Variants in SNX7 observed in about 807,000 individuals in gnomAD.
SNX7 encodes sorting nexin 7.
Under a neutral mutation model 48.4 loss-of-function variants are expected in SNX7, and 35 were observed. The observed-to-expected ratio is 0.72, with a 90% CI of 0.55 to 0.96. The LOEUF (loss-of-function observed/expected upper bound fraction) is 0.96, where lower values mean the gene tolerates loss of function less well. SNX7 is among the 40% of genes least tolerant of loss of function. The pLI, the probability that SNX7 is intolerant of heterozygous loss-of-function variation, is 0.00. For synonymous variants in SNX7, 190 were observed against 190.2 expected (o/e 1.00, Z 0.01); for missense variants, 553 against 548.9 (o/e 1.01, Z -0.07).
chr1:98,742,391 G>GT (rs1218164202), intron 8 of SNX7, among the ~76,000 whole-genome samples: 4 of 152,026 alleles, frequency 2.6e-5, no homozygotes, highest in Non-Finnish European at 5.9e-5. Context: ...TCACATGACC[G>GT]TATCTGTTAC....
At chr1:98,744,399 G>A (rs76334687) in intron 8 of SNX7, among the ~76,000 whole-genome samples, 3,131 of 151,946 alleles carry the variant, frequency 0.021, 114 homozygotes, top group African/African-American at 0.072. Flanking sequence ...ATACAGTCAA[G>A]AAGGAATACA....
chr1:98,666,107 A>G (rs1163408344), intron 1 of SNX7, among the ~76,000 whole-genome samples: 1 of 152,180 alleles, frequency 6.6e-6, no homozygotes, highest in East Asian at 1.9e-4. Context: ...TGCACAGTCT[A>G]TTTGGTTTCT....
chr1:98,662,749 G>C, intron 1 of SNX7: 11 of 1,289,370 alleles, frequency 8.5e-6, no homozygotes, highest in Non-Finnish European at 1.1e-5. Context: ...GAAGACCTGA[G>C]TTCAGATCAC....
At chr1:98,702,792 C>T (rs1570541878) in intron 7 of SNX7, among the ~76,000 whole-genome samples, 2 of 152,124 alleles carry the variant, frequency 1.3e-5, no homozygotes, top group East Asian at 1.9e-4. Flanking sequence ...TTTAACCTAA[C>T]GAACTTCTAC....
At chr1:98,694,846 G>A (rs1252732041) in intron 4 of SNX7, among the ~76,000 whole-genome samples, 1 of 151,744 alleles carries the variant, frequency 6.6e-6, no homozygotes, top group African/African-American at 2.4e-5. Context: ...CTGACCTCAT[G>A]TATGCCCTCC....
intron 1 of SNX7, among the ~76,000 whole-genome samples, chr1:98,680,086 T>G (rs964211618): frequency 6.6e-6 from 1 of 152,228 alleles, no homozygotes; most frequent in Non-Finnish European, 1.5e-5. Flanking sequence ...TACAGGCATT[T>G]CCATACATCC....
At chr1:98,682,680 T>C (rs1408471838) in intron 1 of SNX7, among the ~76,000 whole-genome samples, 1 of 152,346 alleles carries the variant, frequency 6.6e-6, no homozygotes, top group African/African-American at 2.4e-5. Context: ...ATTTTACTTA[T>C]ATTGTTTCTT....
At chr1:98,686,833 G>T (rs1650827596) in intron 2 of SNX7, among the ~76,000 whole-genome samples, 1 of 152,060 alleles carries the variant, frequency 6.6e-6, no homozygotes, top group African/African-American at 2.4e-5. Context: ...TATTACTACT[G>T]TTATAATTAT....
At chr1:98,749,920 C>G (rs1413172827) in intron 8 of SNX7, among the ~76,000 whole-genome samples, 1 of 151,958 alleles carries the variant, frequency 6.6e-6, no homozygotes, top group Non-Finnish European at 1.5e-5. Context: ...TGTTAAAATA[C>G]TTAGAAGAAA....
intron 2 of SNX7, among the ~76,000 whole-genome samples, chr1:98,686,395 A>G (rs977516491): frequency 6.6e-6 from 1 of 152,136 alleles, no homozygotes; most frequent in Admixed American, 6.6e-5. Context: ...TAATCAATGC[A>G]CACCCCACTT....
intron 8 of SNX7, 109 bp downstream of exon 8, chr1:98,738,498 G>C (rs111336454): frequency 5.7e-6 from 6 of 1,057,364 alleles, no homozygotes; most frequent in African/African-American, 1.6e-5. Context: ...ACATTCTAAT[G>C]CCTCTCTGGT....
At chr1:98,681,129 A>G (rs540969553) in intron 1 of SNX7, among the ~76,000 whole-genome samples, 84 of 152,318 alleles carry the variant, frequency 5.5e-4, no homozygotes, top group African/African-American at 2.0e-3. Flanking sequence ...AGTAAGTCAC[A>G]TCTTACATGG....
At chr1:98,728,593 G>A (rs529577395) in intron 7 of SNX7, among the ~76,000 whole-genome samples, 56 of 152,256 alleles carry the variant, frequency 3.7e-4, no homozygotes, top group African/African-American at 1.3e-3. Flanking sequence ...TAAAATAAAG[G>A]TATGGAGGAA....
intron 8 of SNX7, among the ~76,000 whole-genome samples, chr1:98,744,338 A>G (rs999956344): frequency 6.6e-6 from 1 of 152,046 alleles, no homozygotes; most frequent in Non-Finnish European, 1.5e-5. Context: ...AGAATCTGAC[A>G]CAATTGTACC....
At chr1:98,680,839 T>C (rs1047241909) in intron 1 of SNX7, among the ~76,000 whole-genome samples, 1 of 152,198 alleles carries the variant, frequency 6.6e-6, no homozygotes. Context: ...TGAACAAGTC[T>C]CTAGGAAGTT....
chr1:98,758,781 T>G (rs146099929), intron 8 of SNX7, among the ~76,000 whole-genome samples: 3 of 152,188 alleles, frequency 2.0e-5, no homozygotes, highest in African/African-American at 7.2e-5. Flanking sequence ...CTCATGTAAT[T>G]ATACGAATCT....
intron 1 of SNX7, among the ~76,000 whole-genome samples, chr1:98,684,047 C>T (rs1321506187): frequency 1.3e-5 from 2 of 152,128 alleles, no homozygotes; most frequent in Non-Finnish European, 2.9e-5. Flanking sequence ...GGTTTCTGCT[C>T]TGCCACAACC....
At chr1:98,700,594 G>A (rs1027048441) in intron 6 of SNX7, among the ~76,000 whole-genome samples, 1 of 151,648 alleles carries the variant, frequency 6.6e-6, no homozygotes, top group Non-Finnish European at 1.5e-5. Flanking sequence ...GCACAGGCTG[G>A]AGTGTAGAGG....
In SNX7 at chr1:98,700,083, TGAA is replaced by T. The variant is rs1651672350; in HGVS notation, c.1038+1180_1038+1182del. Among the ~76,000 whole-genome samples, 5 of 152,346 alleles carry T rather than the reference TGAA, an allele frequency of 3.3e-5. No homozygotes were observed. The South Asian group carries it at 1.0e-3, about 32-fold the overall frequency. ...TATATCAAGATGGAAATTATGTAATTGAAGTATTACATTATTAAGGGTATGGAA... is the reference window on the plus strand; with the variant it reads ...TATATCAAGATGGAAATTATGTAATTGTATTACATTATTAAGGGTATGGAA... On this transcript the variant is annotated intron_variant, in intron 6 of 8. Coordinates refer to ENST00000306121, the MANE Select transcript of SNX7 (RefSeq NM_015976.5).
Sources: allele counts gnomAD v4.1 joint callset (sites outside exome capture counted in the v4.1 genomes callset), GRCh38; gene constraint gnomAD v4.1.1; transcripts MANE v1.5; gene names NCBI Gene and HGNC (gene_info 2026-07-23, HGNC 2026-07-21).